Variants in NEDD4L observed in about 807,000 individuals in gnomAD.
NEDD4L encodes the protein NEDD4 like E3 ubiquitin protein ligase.
In NEDD4L, 54 loss-of-function variants were observed where a neutral mutation model predicts 148.9. The ratio of observed to expected loss-of-function variants is 0.36; its 90% CI spans 0.29 to 0.45. The LOEUF (loss-of-function observed/expected upper bound fraction) is 0.45. NEDD4L is among the 20% of genes least tolerant of loss of function. The pLI, the probability that NEDD4L is intolerant of heterozygous loss-of-function variation, is 1.00. For synonymous variants in NEDD4L, 433 were observed against 440.7 expected (o/e 0.98, Z 0.22); for missense variants, 856 against 1,233.8 (o/e 0.69, Z 4.59).
Position 58,044,551 on chromosome 18 carries a change from A to G in NEDD4L, c.-110A>G. The G allele has an allele frequency of 7.8e-7, 1 of 1,276,342 alleles. No individual in the cohort carries two copies. Among genetic ancestry groups the G allele is most frequent in the Non-Finnish European group, 1.0e-6 (1 of 1,002,184 alleles). The allele number at this position is 1,276,342 out of a possible 1,614,324, so 79.1% of individuals were successfully genotyped here. On this transcript the variant is annotated 5_prime_UTR_variant, in exon 1 of 31. Coordinates refer to ENST00000400345, the MANE Select transcript of NEDD4L (RefSeq NM_001144967.3). ...GCCGCTTACCCGGCAGGGCGTGCGC[A>G]GGGTAGGGTGCGGGACCGGGGGGAC...
chr18:58,195,695 G>A (rs762550482), intron 2 of NEDD4L: 6 of 1,351,890 alleles, frequency 4.4e-6, no homozygotes, highest in African/African-American at 1.5e-5. Context: ...CTCTCTCTCC[G>A]CTCCCCACTT....
At chr18:58,178,941 T>A (rs975628810) in intron 2 of NEDD4L, among the ~76,000 whole-genome samples, 1 of 152,074 alleles carries the variant, frequency 6.6e-6, no homozygotes, top group African/African-American at 2.4e-5. Context: ...GAGTGGCTGG[T>A]AGAAAAATCA....
intron 6 of NEDD4L, among the ~76,000 whole-genome samples, chr18:58,317,952 A>G (rs1393562859): frequency 6.6e-6 from 1 of 152,138 alleles, no homozygotes; most frequent in African/African-American, 2.4e-5. Context: ...GCGTGAAGGT[A>G]TATTCTTTAT....
At chr18:58,241,089 C>T (rs185039476) in intron 2 of NEDD4L, among the ~76,000 whole-genome samples, 49 of 152,250 alleles carry the variant, frequency 3.2e-4, no homozygotes, top group African/African-American at 5.5e-4. Context: ...AGATTACAGG[C>T]GCCTGCCTCC....
chr18:58,290,795 G>C (rs17064701), intron 5 of NEDD4L, among the ~76,000 whole-genome samples: 3,589 of 151,842 alleles, frequency 0.024, 133 homozygotes, highest in African/African-American at 0.082. Context: ...ATAGAGACTT[G>C]TCATCTGCTC....
At chr18:58,063,080 CTG>C (rs1234003574) in intron 1 of NEDD4L, among the ~76,000 whole-genome samples, 4 of 108,358 alleles carry the variant, frequency 3.7e-5, no homozygotes, top group Non-Finnish European at 5.1e-5. Context: ...GTATCTCACT[CTG>C]TTGCCCAGGC....
chr18:58,268,246 A>T (rs1301521372), intron 5 of NEDD4L, among the ~76,000 whole-genome samples: 1 of 152,010 alleles, frequency 6.6e-6, no homozygotes, highest in East Asian at 1.9e-4. Flanking sequence ...GGGAGAGAAG[A>T]GGAGGCCTGG....
intron 2 of NEDD4L, among the ~76,000 whole-genome samples, chr18:58,231,143 C>T (rs1442479732): frequency 2.0e-5 from 3 of 149,562 alleles, no homozygotes; most frequent in African/African-American, 7.4e-5. Context: ...CAGCTACTCA[C>T]AGGGGCTGAG....
intron 16 of NEDD4L, among the ~76,000 whole-genome samples, chr18:58,346,278 A>G (rs964695530): frequency 2.0e-5 from 3 of 152,206 alleles, no homozygotes; most frequent in Non-Finnish European, 4.4e-5. Flanking sequence ...CCTTGTAAGC[A>G]CTGACATGAC....
chr18:58,328,074 C>T (rs1419952216), intron 9 of NEDD4L, among the ~76,000 whole-genome samples: 1 of 152,140 alleles, frequency 6.6e-6, no homozygotes, highest in East Asian at 1.9e-4. Flanking sequence ...AAGTGATTCT[C>T]CTGCCTCAGC....
chr18:58,184,934 A>G (rs2039295333), intron 2 of NEDD4L, among the ~76,000 whole-genome samples: 1 of 152,064 alleles, frequency 6.6e-6, no homozygotes, highest in African/African-American at 2.4e-5. Context: ...TCTCAAAAAA[A>G]AAAAAGAAAA....
At chr18:58,251,849 A>G (rs2047978398) in intron 4 of NEDD4L, among the ~76,000 whole-genome samples, 152 bp from the exon 5 acceptor site, 1 of 152,208 alleles carries the variant, frequency 6.6e-6, no homozygotes, top group African/African-American at 2.4e-5. Flanking sequence ...TTGATTTAGT[A>G]CACATAGAAT....
chr18:58,185,215 G>T (rs1013427836), intron 2 of NEDD4L, among the ~76,000 whole-genome samples: 1 of 152,132 alleles, frequency 6.6e-6, no homozygotes, highest in Non-Finnish European at 1.5e-5. Flanking sequence ...GTGGGAGCTG[G>T]ATTACCCCAG....
intron 1 of NEDD4L, among the ~76,000 whole-genome samples, chr18:58,084,279 A>G (rs1028641012): frequency 6.6e-6 from 1 of 152,208 alleles, no homozygotes; most frequent in African/African-American, 2.4e-5. Flanking sequence ...CTAACTGCTA[A>G]TGGGTACAGG....
At chr18:58,330,186 G>A (rs548736098) in intron 10 of NEDD4L, among the ~76,000 whole-genome samples, 4 of 152,276 alleles carry the variant, frequency 2.6e-5, no homozygotes, top group South Asian at 2.1e-4. Context: ...AGAATGCGGC[G>A]ATTCAACTTG....
At position 58,142,040 on chromosome 18, in the gene NEDD4L, CTTTTTTTT is replaced by C. The variant is rs552184742; in HGVS notation, c.49-23731_49-23724del. Among the ~76,000 whole-genome samples the C allele has an allele frequency of 3.8e-4, 16 of 41,866 alleles. 1 individual carries two copies. The highest frequency in any genetic ancestry group is 1.8e-3 in the Admixed American group (5 of 2,832). 27.5% of individuals were successfully genotyped at this position (41,866 alleles called of 152,430 possible). A position where few individuals can be genotyped will look rare whatever the true frequency, so the allele number is the denominator to read the frequency against. On this transcript the variant is annotated intron_variant, in intron 1 of 30. Coordinates refer to ENST00000400345, the MANE Select transcript of NEDD4L (RefSeq NM_001144967.3). ...CCCCACTGCCTTCCAAAATTTCTTT[CTTTTTTTT>C]TTTTTTTTTTTTTTTTGAGACAGAG...
At chr18:58,309,463 G>A (rs893110814) in intron 5 of NEDD4L, among the ~76,000 whole-genome samples, 1 of 152,086 alleles carries the variant, frequency 6.6e-6, no homozygotes, top group Non-Finnish European at 1.5e-5. Flanking sequence ...GAGCTCCAAA[G>A]CCCCCAGACC....
chr18:58,388,505 G>A (rs535205589), intron 27 of NEDD4L: 1 of 152,344 alleles, frequency 6.6e-6, no homozygotes, highest in South Asian at 2.1e-4. Flanking sequence ...TTGTCCACAG[G>A]AAACCTCCCC....
At chr18:58,218,860 C>T (rs1405098677) in intron 2 of NEDD4L, among the ~76,000 whole-genome samples, 1 of 152,138 alleles carries the variant, frequency 6.6e-6, no homozygotes, top group Non-Finnish European at 1.5e-5. Flanking sequence ...TTTTGGGACA[C>T]TGGTGAGGTT....
Sources: gnomAD v4.1 joint callset for allele counts (sites outside exome capture counted in the v4.1 genomes callset) on GRCh38, gnomAD v4.1.1 for gene constraint, MANE v1.5 for transcripts, NCBI Gene and HGNC (gene_info 2026-07-23, HGNC 2026-07-21) for gene names.